The following TMEM248 variants were observed in gnomAD, a reference collection of about 807,000 sequenced individuals.
TMEM248 encodes transmembrane protein 248.
TMEM248 carries 9 observed loss-of-function variants against 30.3 expected under a neutral mutation model. The observed-to-expected ratio is 0.30, with a 90% confidence interval of 0.18 to 0.52. The LOEUF (loss-of-function observed/expected upper bound fraction) is 0.52, where lower values mean the gene tolerates loss of function less well. Ranked by LOEUF, TMEM248 falls within the 20% of genes least tolerant of loss-of-function variation. The pLI is 0.97. For missense variants in TMEM248, 338 were observed against 403.3 expected (o/e 0.84, Z 1.39); for synonymous variants, 184 against 154.4 (o/e 1.19, Z -1.42).
intron 6 of TMEM248, among the ~76,000 whole-genome samples, chr7:66,955,104 A>G (rs1278677037): frequency 5.3e-5 from 8 of 152,192 alleles, no homozygotes. Context: ...CTCTACTAAC[A>G]GTTAAAAAAT....
At chr7:66,934,023 A>G (rs1165137979) in intron 1 of TMEM248, among the ~76,000 whole-genome samples, 1 of 151,360 alleles carries the variant, frequency 6.6e-6, no homozygotes, top group Non-Finnish European at 1.5e-5. Context: ...AACATTTGCC[A>G]CTGTGACGCT....
intron 2 of TMEM248, among the ~76,000 whole-genome samples, chr7:66,943,007 G>A (rs1305160035): frequency 2.0e-5 from 3 of 150,752 alleles, no homozygotes; most frequent in African/African-American, 7.3e-5. Context: ...TAGATCTTAA[G>A]TGATCTTGGC....
At chr7:66,932,665 C>A (rs1170766158) in intron 1 of TMEM248, among the ~76,000 whole-genome samples, 1 of 151,242 alleles carries the variant, frequency 6.6e-6, no homozygotes, top group African/African-American at 2.4e-5. Flanking sequence ...CAGGCGCACG[C>A]TGCCACTCCC....
At chr7:66,951,409 G>T (rs1035510302) in intron 5 of TMEM248, 4 of 307,938 alleles carry the variant, frequency 1.3e-5, no homozygotes, top group Non-Finnish European at 1.2e-5. Context: ...TCCCTGGGGG[G>T]GGTTACAAGG....
rs923617848 is a variant in TMEM248 at position 66,921,322 on chromosome 7, C to T, written c.-158C>T. 2.2e-4 allele frequency: 34 copies of T among 151,146 alleles called. 1 individual carries two copies. The highest frequency in any genetic ancestry group is 7.7e-4 in the African/African-American group (32 of 41,418). The allele number at this position is 151,146 out of a possible 1,614,324, so 9.4% of individuals were successfully genotyped here. A position where few individuals can be genotyped will look rare whatever the true frequency, so the allele number is the denominator to read the frequency against. On this transcript the variant is annotated 5_prime_UTR_variant, in exon 1 of 7. Transcript: ENST00000341567. ...TCGGCCCCGCGGAGCCAGACGCTGC[C>T]CCCGGCGCGGGGAGAAGATGGTGCC...
chr7:66,923,892 T>C (rs891740991), intron 1 of TMEM248, among the ~76,000 whole-genome samples: 5 of 152,054 alleles, frequency 3.3e-5, no homozygotes, highest in African/African-American at 1.2e-4. Flanking sequence ...TCTCAAACCC[T>C]TGACGTCAAG....
intron 1 of TMEM248, among the ~76,000 whole-genome samples, chr7:66,941,280 C>T (rs919331595): frequency 1.3e-5 from 2 of 151,394 alleles, no homozygotes; most frequent in Non-Finnish European, 2.9e-5. Context: ...ACTTGGGAGG[C>T]TGACGTGGGA....
chr7:66,949,540 A>C (rs1176740407), intron 4 of TMEM248, among the ~76,000 whole-genome samples: 1 of 152,204 alleles, frequency 6.6e-6, no homozygotes, highest in African/African-American at 2.4e-5. Context: ...ATATTTTAAA[A>C]TCGTTGATTT....
chr7:66,942,032 A>G lies in TMEM248; in HGVS notation c.159+8A>G, dbSNP rs1791976095. On this transcript the variant is annotated splice_region_variant and intron_variant, in intron 2 of 6. Transcript: ENST00000341567. ...TCCCCAGAAATGGCAGAGGTATAGT[A>G]TGCTCTGACTTCTCCCGGGCTGGCT... is the stretch of plus-strand genomic sequence containing the variant. 1.9e-6 allele frequency: 3 copies of G among 1,613,364 alleles called. No individual in the cohort carries two copies. The highest frequency in any genetic ancestry group is 2.5e-6 in the Non-Finnish European group (3 of 1,179,530).
intron 4 of TMEM248, among the ~76,000 whole-genome samples, chr7:66,949,113 C>T (rs1268031550): frequency 7.5e-6 from 1 of 132,470 alleles, no homozygotes; most frequent in South Asian, 2.4e-4. Flanking sequence ...CCAGCCTGGA[C>T]AACATATAGG....
chr7:66,941,797 GCTTTC>G, intron 1 of TMEM248, 46 bp from the exon 2 acceptor site: 5 of 1,503,110 alleles, frequency 3.3e-6, no homozygotes, highest in Non-Finnish European at 4.5e-6. Context: ...AAGAATCATA[GCTTTC>G]CTGTTGGCAA....
rs1389614888 is a variant in TMEM248, at chr7:66,921,445, CT to C, written c.-34del. 1 of 150,258 alleles carries C rather than the reference CT, an allele frequency of 6.7e-6. No homozygotes were observed. 9.3% of individuals were successfully genotyped at this position (150,258 alleles called of 1,614,324 possible). On this transcript the variant is annotated 5_prime_UTR_variant, in exon 1 of 7. Transcript: ENST00000341567. Reference sequence around the variant, plus strand: ...GCCCGGCTGGGCCCGGGGCGCGCAGCTGCCCGCCGGGGCGGGGTGAGCCGGG... The same window carrying C: ...GCCCGGCTGGGCCCGGGGCGCGCAGCGCCCGCCGGGGCGGGGTGAGCCGGG...
intron 1 of TMEM248, among the ~76,000 whole-genome samples, chr7:66,924,552 C>A (rs1359320443): frequency 2.0e-5 from 3 of 151,966 alleles, no homozygotes; most frequent in Non-Finnish European, 4.4e-5. Flanking sequence ...TTACAGATGC[C>A]CGCCACCATG....
At chr7:66,954,630 C>T (rs1792359313) in intron 6 of TMEM248, among the ~76,000 whole-genome samples, 2 of 152,046 alleles carry the variant, frequency 1.3e-5, no homozygotes, top group Non-Finnish European at 2.9e-5. Context: ...TTCCTGGGCT[C>T]AAGCAATCCA....
At chr7:66,937,877 A>G (rs1160775345) in intron 1 of TMEM248, among the ~76,000 whole-genome samples, 2 of 151,930 alleles carry the variant, frequency 1.3e-5, no homozygotes, top group Admixed American at 1.3e-4. Context: ...CACCTGGCTA[A>G]TTTTTTGTAT....
At chr7:66,951,269 G>A (rs1420256517) in intron 5 of TMEM248, 134 bp downstream of exon 5, 1 of 810,820 alleles carries the variant, frequency 1.2e-6, no homozygotes, top group Non-Finnish European at 1.8e-6. Flanking sequence ...AGATTTCCAG[G>A]TGAGTTAGGA....
intron 5 of TMEM248, among the ~76,000 whole-genome samples, 197 bp from the exon 6 acceptor site, chr7:66,953,029 G>C (rs985888297): frequency 6.6e-6 from 1 of 152,126 alleles, no homozygotes; most frequent in Admixed American, 6.5e-5. Flanking sequence ...ACAGAGGCTC[G>C]GGAGCACCAT....
chr7:66,941,206 C>A (rs1032871117), intron 1 of TMEM248, among the ~76,000 whole-genome samples: 3 of 152,036 alleles, frequency 2.0e-5, no homozygotes, highest in Non-Finnish European at 4.4e-5. Flanking sequence ...TATGGTGAAA[C>A]CCCATCTCTA....
intron 1 of TMEM248, among the ~76,000 whole-genome samples, chr7:66,923,124 G>A (rs1182984012): frequency 6.6e-6 from 1 of 151,908 alleles, no homozygotes; most frequent in Non-Finnish European, 1.5e-5. Context: ...TCAGGATTTT[G>A]TTATGGTTAG....
Sources: gnomAD v4.1 joint callset for allele counts (sites outside exome capture counted in the v4.1 genomes callset) on GRCh38, gnomAD v4.1.1 for gene constraint, MANE v1.5 for transcripts, NCBI Gene and HGNC (gene_info 2026-07-23, HGNC 2026-07-21) for gene names.